Variants in ADGRL3 observed in about 807,000 individuals in gnomAD.
The protein encoded by ADGRL3 is calcium-independent alpha-latrotoxin receptor 3.
Under a neutral mutation model 153.5 loss-of-function variants are expected in ADGRL3, and 62 were observed. The observed-to-expected ratio is 0.40, with a 90% CI of 0.33 to 0.50. The LOEUF is 0.50. ADGRL3 is among the 20% of genes least tolerant of loss of function. The pLI is 0.47. For missense variants in ADGRL3, 1,641 were observed against 1,859.4 expected, an observed-to-expected ratio of 0.88 and a Z score of 2.16; for synonymous variants, 710 against 672.5, an observed-to-expected ratio of 1.06 and a Z score of -0.86.
chr4:61,598,877 A>T (rs1336749164), intron 5 of ADGRL3, among the ~76,000 whole-genome samples: 1 of 152,128 alleles, frequency 6.6e-6, no homozygotes, highest in Non-Finnish European at 1.5e-5. Flanking sequence ...AGCAGACATA[A>T]TTATTTTATT....
At chr4:61,659,447 A>C (rs921696905) in intron 5 of ADGRL3, among the ~76,000 whole-genome samples, 3 of 152,138 alleles carry the variant, frequency 2.0e-5, no homozygotes, top group African/African-American at 7.2e-5. Context: ...TCTAATTTGT[A>C]TTTGTTCCCA....
chr4:61,749,411 A>G lies in ADGRL3; in HGVS notation c.1399+15857A>G, dbSNP rs536486964. On this transcript the variant is annotated intron_variant, in intron 8 of 26. Coordinates refer to ENST00000683033, the MANE Select transcript of ADGRL3 (RefSeq NM_001387552.1). ...TGCTGCTGTAAAGACACATGCACAC[A>G]TATGTTTATTGTGGCACTATGCACA... 2.6e-5 allele frequency among the ~76,000 whole-genome samples: 4 copies of G among 152,312 alleles called. No homozygotes were observed. In the South Asian group the frequency reaches 8.3e-4, roughly 32 times the overall value.
intron 25 of ADGRL3, among the ~76,000 whole-genome samples, chr4:62,065,637 A>T (rs1250189500): frequency 6.6e-6 from 1 of 152,190 alleles, no homozygotes; most frequent in African/African-American, 2.4e-5. Flanking sequence ...TAAAACAAAT[A>T]ATAAATTTGG....
chr4:61,786,696 ACC>A (rs2097280368), intron 8 of ADGRL3, among the ~76,000 whole-genome samples: 1 of 152,184 alleles, frequency 6.6e-6, no homozygotes, highest in Non-Finnish European at 1.5e-5. Context: ...TGTAGCTCTT[ACC>A]CCATAGATGA....
intron 2 of ADGRL3, among the ~76,000 whole-genome samples, chr4:61,414,222 T>C (rs529545921): frequency 6.6e-6 from 1 of 152,274 alleles, no homozygotes; most frequent in South Asian, 2.1e-4. Context: ...CTGGAAAAAT[T>C]GGAATAATAA....
At chr4:61,767,366 A>G (rs1207268263) in intron 8 of ADGRL3, among the ~76,000 whole-genome samples, 1 of 151,808 alleles carries the variant, frequency 6.6e-6, no homozygotes, top group Non-Finnish European at 1.5e-5. Context: ...TAAGAGGTTT[A>G]GAAGCCTGGC....
chr4:61,494,890 A>C (rs1395925672), intron 2 of ADGRL3, among the ~76,000 whole-genome samples: 2 of 152,166 alleles, frequency 1.3e-5, no homozygotes, highest in African/African-American at 2.4e-5. Context: ...CTTGCTTCTT[A>C]TGGATTCACA....
intron 9 of ADGRL3, among the ~76,000 whole-genome samples, chr4:61,855,323 T>C (rs1275810967): frequency 6.6e-6 from 1 of 152,084 alleles, no homozygotes; most frequent in Non-Finnish European, 1.5e-5. Context: ...GAAAAAGAAA[T>C]AAAATTAAGA....
chr4:62,016,818 C>G (rs1311508871), intron 21 of ADGRL3, among the ~76,000 whole-genome samples: 1 of 152,004 alleles, frequency 6.6e-6, no homozygotes, highest in Non-Finnish European at 1.5e-5. Context: ...ACCATTCATA[C>G]ACACGTCTAT....
At chr4:61,809,581 A>G (rs908412980) in intron 8 of ADGRL3, among the ~76,000 whole-genome samples, 1 of 152,202 alleles carries the variant, frequency 6.6e-6, no homozygotes, top group Middle Eastern at 3.4e-3. Context: ...CCTATTTAAA[A>G]TTGCTAGCTG....
chr4:61,889,926 G>A (rs1412411173), intron 9 of ADGRL3, among the ~76,000 whole-genome samples: 1 of 152,042 alleles, frequency 6.6e-6, no homozygotes, highest in Non-Finnish European at 1.5e-5. Context: ...ATATCTAATC[G>A]AAGAAAGGTA....
intron 1 of ADGRL3, among the ~76,000 whole-genome samples, chr4:61,253,395 C>CT (rs1177959163): frequency 3.9e-5 from 6 of 152,056 alleles, no homozygotes; most frequent in African/African-American, 1.4e-4. Context: ...TGTCTCAAAC[C>CT]TTTAGGTTGT....
chr4:61,570,337 T>G (rs973857749), intron 4 of ADGRL3, among the ~76,000 whole-genome samples: 8 of 152,162 alleles, frequency 5.3e-5, no homozygotes, highest in Admixed American at 1.3e-4. Flanking sequence ...CCTCAAATCT[T>G]TCAGGGTATT....
chr4:62,065,234 T>C (rs1742385593), intron 25 of ADGRL3, among the ~76,000 whole-genome samples: 1 of 152,102 alleles, frequency 6.6e-6, no homozygotes, highest in Non-Finnish European at 1.5e-5. Flanking sequence ...ACAGCTAACC[T>C]GTCTTCCTTT....
chr4:61,445,699 T>C (rs1301069124), intron 2 of ADGRL3, among the ~76,000 whole-genome samples: 1 of 152,210 alleles, frequency 6.6e-6, no homozygotes, highest in Non-Finnish European at 1.5e-5. Context: ...TCAGAGAGAC[T>C]TTCATTGAGC....
rs34037060 is a variant in ADGRL3, at chr4:61,674,146, TTAGATAGATAGATAGATAGATAGA to T, written c.474-2654_474-2631del. On this transcript the variant is annotated intron_variant, in intron 5 of 26. Coordinates refer to ENST00000683033, the MANE Select transcript of ADGRL3 (RefSeq NM_001387552.1). The stretch of plus-strand genomic sequence containing the variant: ...AATATGTAAATTTGTCGATGCATTT[TTAGATAGATAGATAGATAGATAGA>T]TAGATAGATAGATAGATAGATAGAT... Among the ~76,000 whole-genome samples, 17 of 147,442 alleles carry T rather than the reference TTAGATAGATAGATAGATAGATAGA, an allele frequency of 1.2e-4. 1 individual carries two copies. In the East Asian group the frequency reaches 3.0e-3, roughly 26 times the overall value.
chr4:62,036,321 C>A (rs1724964941), intron 23 of ADGRL3, among the ~76,000 whole-genome samples: 2 of 151,948 alleles, frequency 1.3e-5, no homozygotes, highest in African/African-American at 4.8e-5. Flanking sequence ...TTAATTCCAG[C>A]CACTCTTTTG....
rs1157743692 is a variant in ADGRL3 at position 61,291,613 on chromosome 4, T to C, written c.-240+89848T>C. Among the ~76,000 whole-genome samples the C allele has an allele frequency of 5.3e-4, 9 of 17,084 alleles. No homozygotes were observed. In the South Asian group the frequency reaches 9.8e-3, roughly 19 times the overall value. 11.2% of individuals were successfully genotyped at this position (17,084 alleles called of 152,430 possible). On this transcript the variant is annotated intron_variant, in intron 1 of 26. Transcript: ENST00000683033. ...ATATATATATATATATACACACACA[T>C]ATATATATATATAAAATATTTATTT...
chr4:61,652,975 G>C (rs1472429996), intron 5 of ADGRL3, among the ~76,000 whole-genome samples: 1 of 151,690 alleles, frequency 6.6e-6, no homozygotes, highest in Non-Finnish European at 1.5e-5. Flanking sequence ...CCTTCCCCCC[G>C]GCCATATTGA....
Sources: gnomAD v4.1 joint callset for allele counts (sites outside exome capture counted in the v4.1 genomes callset) on GRCh38, gnomAD v4.1.1 for gene constraint, MANE v1.5 for transcripts, NCBI Gene and HGNC (gene_info 2026-07-23, HGNC 2026-07-21) for gene names.